SORCS2: variants seen among roughly 807,000 people sequenced by gnomAD.
SORCS2 encodes the protein VPS10 domain-containing receptor SorCS2.
Under a neutral mutation model 141.6 loss-of-function variants are expected in SORCS2, and 100 were observed. The observed-to-expected ratio is 0.71, with a 90% confidence interval of 0.60 to 0.83. The LOEUF (loss-of-function observed/expected upper bound fraction) is 0.83, where lower values mean the gene tolerates loss of function less well. Ranked by LOEUF, SORCS2 falls within the 40% of genes least tolerant of loss-of-function variation. SORCS2 has a pLI of 0.00. For missense variants in SORCS2, 1,646 were observed against 1,560.2 expected, an observed-to-expected ratio of 1.05 and a Z score of -0.93; for synonymous variants, 789 against 676.9, an observed-to-expected ratio of 1.17 and a Z score of -2.57.
chr4:7,581,204 T>C (rs1716120032), intron 3 of SORCS2, among the ~76,000 whole-genome samples: 1 of 149,844 alleles, frequency 6.7e-6, no homozygotes, highest in African/African-American at 2.4e-5. Flanking sequence ...GGAAAAAGGG[T>C]ATTAAAACTA....
chr4:7,645,264 C>T (rs1720997464), intron 4 of SORCS2, among the ~76,000 whole-genome samples: 1 of 152,128 alleles, frequency 6.6e-6, no homozygotes, highest in Non-Finnish European at 1.5e-5. Context: ...TAGAGGTGAC[C>T]AACCATCCTT....
chr4:7,374,909 G>A (rs974432415), intron 1 of SORCS2, among the ~76,000 whole-genome samples: 2 of 152,184 alleles, frequency 1.3e-5, no homozygotes, highest in Non-Finnish European at 2.9e-5. Flanking sequence ...AAGGCCTGGA[G>A]CTGGGCTGGA....
intron 2 of SORCS2, among the ~76,000 whole-genome samples, chr4:7,454,256 C>T (rs1577590725): frequency 9.3e-6 from 1 of 107,890 alleles, no homozygotes; most frequent in Non-Finnish European, 1.8e-5. Context: ...TGGGGTCAGG[C>T]TCTGTGTTGG....
chr4:7,261,968 C>A (rs1232038768), intron 1 of SORCS2, among the ~76,000 whole-genome samples: 1 of 152,146 alleles, frequency 6.6e-6, no homozygotes, highest in Non-Finnish European at 1.5e-5. Context: ...TAAGGAAAAC[C>A]CTGAACAATA....
chr4:7,283,335 A>C (rs1051106862), intron 1 of SORCS2, among the ~76,000 whole-genome samples: 1 of 152,210 alleles, frequency 6.6e-6, no homozygotes, highest in African/African-American at 2.4e-5. Flanking sequence ...GAATGTAGGC[A>C]GTTCTTTCCT....
At chr4:7,701,265 AGAGG>A (rs1290604483) in intron 12 of SORCS2, among the ~76,000 whole-genome samples, 5 of 147,170 alleles carry the variant, frequency 3.4e-5, no homozygotes, top group Non-Finnish European at 3.0e-5. Context: ...GGAGGGAAGA[AGAGG>A]GAGGGAGGGA....
rs116087980 is a variant in SORCS2 at position 7,551,509 on chromosome 4, G to A, written c.648+19880G>A. Among the ~76,000 whole-genome samples the A allele has an allele frequency of 6.4e-3, 970 of 152,316 alleles. 15 individuals carry two copies. The highest frequency in any genetic ancestry group is 0.022 in the African/African-American group (912 of 41,562). On this transcript the variant is annotated intron_variant, in intron 3 of 26. Transcript: ENST00000507866. The stretch of plus-strand genomic sequence containing the variant: ...GTCAAGGGCTATGAGATGCAGAGAG[G>A]CCTTGACCCAAGCTGATGCAGAGGA...
intron 14 of SORCS2, among the ~76,000 whole-genome samples, chr4:7,710,758 T>G (rs1725776994): frequency 2.0e-5 from 3 of 152,144 alleles, no homozygotes; most frequent in Admixed American, 1.3e-4. Context: ...TTGGAAACAG[T>G]GTCTGCAGAA....
chr4:7,256,112 TC>T (rs1161913861), intron 1 of SORCS2, among the ~76,000 whole-genome samples: 1 of 152,130 alleles, frequency 6.6e-6, no homozygotes, highest in African/African-American at 2.4e-5. Flanking sequence ...GTCTACAAAC[TC>T]GGACCTCTTC....
At chr4:7,468,951 G>A (rs1323472688) in intron 2 of SORCS2, among the ~76,000 whole-genome samples, 1 of 152,154 alleles carries the variant, frequency 6.6e-6, no homozygotes, top group East Asian at 1.9e-4. Context: ...TCTCTGAACT[G>A]CAATGTGCTC....
chr4:7,330,020 G>A (rs1719547607), intron 1 of SORCS2, among the ~76,000 whole-genome samples: 1 of 151,962 alleles, frequency 6.6e-6, no homozygotes, highest in Non-Finnish European at 1.5e-5. Context: ...GGTTCCTTCT[G>A]GAGGCTCTAG....
chr4:7,364,132 A>T (rs1306590953), intron 1 of SORCS2, among the ~76,000 whole-genome samples: 2 of 151,616 alleles, frequency 1.3e-5, no homozygotes, highest in Non-Finnish European at 2.9e-5. Context: ...CACCACCACC[A>T]CATCATCATC....
chr4:7,722,286 C>T (rs965738345), intron 18 of SORCS2, among the ~76,000 whole-genome samples: 7 of 152,154 alleles, frequency 4.6e-5, no homozygotes, highest in African/African-American at 1.7e-4. Flanking sequence ...CCCCTCATTC[C>T]CCGCCCCTCC....
At chr4:7,714,443 TCCCTCAGAGTGAGGG>T in intron 16 of SORCS2, 70 bp downstream of exon 16, 1 of 1,498,126 alleles carries the variant, frequency 6.7e-7, no homozygotes, top group Non-Finnish European at 9.0e-7. Flanking sequence ...GGCGGCCACT[TCCCTCAGAGTGAGGG>T]AGGAAGCCTC....
intron 26 of SORCS2, 132 bp from the exon 27 acceptor site, chr4:7,740,068 G>T: frequency 2.8e-6 from 2 of 715,228 alleles, no homozygotes; most frequent in South Asian, 3.2e-5. Flanking sequence ...ACCTGCACGG[G>T]CTGAAGGAAG....
chr4:7,720,852 C>G (rs1462678838), intron 18 of SORCS2, among the ~76,000 whole-genome samples: 1 of 152,182 alleles, frequency 6.6e-6, no homozygotes, highest in African/African-American at 2.4e-5. Flanking sequence ...GGTGAGGATG[C>G]AGGGAAGGAC....
At chr4:7,273,712 G>A (rs1715289611) in intron 1 of SORCS2, among the ~76,000 whole-genome samples, 1 of 152,242 alleles carries the variant, frequency 6.6e-6, no homozygotes, top group Non-Finnish European at 1.5e-5. Flanking sequence ...AATGCAGACT[G>A]TGACTTCAAT....
At chr4:7,607,762 G>A (rs1294462451) in intron 3 of SORCS2, among the ~76,000 whole-genome samples, 1 of 152,100 alleles carries the variant, frequency 6.6e-6, no homozygotes, top group Non-Finnish European at 1.5e-5. Flanking sequence ...TGTTGATGAG[G>A]GGGTCAGTGT....
At chr4:7,588,951 A>G (rs1469056305) in intron 3 of SORCS2, among the ~76,000 whole-genome samples, 1 of 152,114 alleles carries the variant, frequency 6.6e-6, no homozygotes, top group African/African-American at 2.4e-5. Context: ...TTTTATAGGG[A>G]TTTGGGGCAA....
Sources: allele counts gnomAD v4.1 joint callset (sites outside exome capture counted in the v4.1 genomes callset), GRCh38; gene constraint gnomAD v4.1.1; transcripts MANE v1.5; gene names NCBI Gene and HGNC (gene_info 2026-07-23, HGNC 2026-07-21).